ASIC2: variants seen among roughly 807,000 people sequenced by gnomAD.
ASIC2 encodes acid-sensing ion channel 2.
Under a neutral mutation model 57.3 loss-of-function variants are expected in ASIC2, and 25 were observed. The observed-to-expected ratio is 0.44, with a 90% CI of 0.32 to 0.61. The LOEUF is 0.61. Ranked by LOEUF, ASIC2 falls within the 20% of genes least tolerant of loss-of-function variation. The pLI is 0.06. For synonymous variants in ASIC2, 319 were observed against 307.5 expected (o/e 1.04, Z -0.39); for missense variants, 641 against 738.1 (o/e 0.87, Z 1.52).
chr17:33,497,205 G>C (rs1263737487), intron 1 of ASIC2, among the ~76,000 whole-genome samples: 1 of 152,258 alleles, frequency 6.6e-6, no homozygotes, highest in Non-Finnish European at 1.5e-5. Context: ...TGAATGGACA[G>C]CTTCCCTAGC....
intron 1 of ASIC2, among the ~76,000 whole-genome samples, chr17:33,737,750 G>A (rs891335991): frequency 1.3e-5 from 2 of 151,450 alleles, no homozygotes; most frequent in African/African-American, 4.8e-5. Flanking sequence ...GCGTCCACCT[G>A]CATATAATAT....
intron 1 of ASIC2, among the ~76,000 whole-genome samples, chr17:33,135,253 T>G (rs1006986829): frequency 6.6e-6 from 1 of 152,062 alleles, no homozygotes; most frequent in Non-Finnish European, 1.5e-5. Flanking sequence ...CCTCCATGCC[T>G]TTGCCACTGC....
chr17:33,897,512 A>G (rs1431819105), intron 1 of ASIC2, among the ~76,000 whole-genome samples: 4 of 152,240 alleles, frequency 2.6e-5, no homozygotes. Context: ...ATATATCTTT[A>G]TCCAGATTTC....
chr17:34,040,200 C>T (rs931263756), intron 1 of ASIC2, among the ~76,000 whole-genome samples: 13 of 127,474 alleles, frequency 1.0e-4, no homozygotes, highest in African/African-American at 4.0e-4. Flanking sequence ...GGGCCCAGGC[C>T]AGGTCAGGAG....
chr17:33,959,652 G>T (rs931998198), intron 1 of ASIC2, among the ~76,000 whole-genome samples: 1 of 152,168 alleles, frequency 6.6e-6, no homozygotes, highest in Non-Finnish European at 1.5e-5. Flanking sequence ...AAAGATAAAG[G>T]CTGGAAGACT....
chr17:33,619,158 G>A (rs766455237), intron 1 of ASIC2, among the ~76,000 whole-genome samples: 3 of 152,096 alleles, frequency 2.0e-5, no homozygotes, highest in Admixed American at 6.5e-5. Context: ...ATCAAAGTAC[G>A]GATGAGTCAA....
At chr17:33,341,028 C>T (rs1337798773) in intron 1 of ASIC2, among the ~76,000 whole-genome samples, 1 of 152,152 alleles carries the variant, frequency 6.6e-6, no homozygotes, top group Non-Finnish European at 1.5e-5. Context: ...CTGCAGTTGA[C>T]AAGGAAGAGC....
Position 33,230,450 on chromosome 17 carries a change from G to A in ASIC2, c.708+60958C>T, listed in dbSNP as rs142483718. Among the ~76,000 whole-genome samples the A allele has an allele frequency of 5.2e-3, 787 of 152,324 alleles. 4 individuals carry two copies. The highest frequency in any genetic ancestry group is 7.9e-3 in the Non-Finnish European group (537 of 68,038). Reference sequence around the variant, plus strand: ...AAGGGCAACACCTGCCACCACTTTTGTCTTGGTCACTGCTCACTCTGGCTG... The same window carrying A: ...AAGGGCAACACCTGCCACCACTTTTATCTTGGTCACTGCTCACTCTGGCTG... On this transcript the variant is annotated intron_variant, in intron 1 of 9. Transcript: ENST00000225823.
chr17:33,161,871 T>G (rs1309088131), intron 1 of ASIC2, among the ~76,000 whole-genome samples: 16 of 78,800 alleles, frequency 2.0e-4, no homozygotes, highest in Non-Finnish European at 8.2e-5. Context: ...TTTTTTTTTT[T>G]TTTTTTTTTT....
In ASIC2 at chr17:33,305,917, C is replaced by T. The variant is rs140721864; in HGVS notation, c.556-193850G>A. Among the ~76,000 whole-genome samples the T allele has an allele frequency of 3.8e-3, 586 of 152,260 alleles. 3 individuals carry two copies. Among genetic ancestry groups the T allele is most frequent in the African/African-American group, 0.013 (543 of 41,550 alleles). On this transcript the variant is annotated intron_variant, in intron 1 of 9. Coordinates refer to the ASIC2 transcript ENST00000359872. ...CAGCAATCACCATAGATAAAAGCTT[C>T]CCTATAGCCATTTTTTCTAATGAGC...
chr17:33,092,320 GT>G (rs2092160879), intron 2 of ASIC2, among the ~76,000 whole-genome samples: 1 of 152,268 alleles, frequency 6.6e-6, no homozygotes, highest in South Asian at 2.1e-4. Flanking sequence ...GCTCCCTGCA[GT>G]CCCTGCCCTC....
At chr17:33,441,666 C>G (rs780863828) in intron 1 of ASIC2, among the ~76,000 whole-genome samples, 1 of 152,180 alleles carries the variant, frequency 6.6e-6, no homozygotes, top group Admixed American at 6.5e-5. Flanking sequence ...GGTGCCCTCT[C>G]TCTACCTGGA....
chr17:33,690,305 C>T (rs889208106), intron 1 of ASIC2, among the ~76,000 whole-genome samples: 11 of 152,196 alleles, frequency 7.2e-5, no homozygotes, highest in African/African-American at 2.4e-4. Context: ...GCTGGGTCAT[C>T]TTTGCTCCCT....
chr17:34,049,046 C>T (rs987551257), intron 1 of ASIC2, among the ~76,000 whole-genome samples: 1 of 152,024 alleles, frequency 6.6e-6, no homozygotes, highest in Admixed American at 6.6e-5. Context: ...ATCTGTAATC[C>T]CAGTACTTTG....
intron 1 of ASIC2, among the ~76,000 whole-genome samples, chr17:33,995,520 T>C (rs1906129976): frequency 6.6e-6 from 1 of 152,204 alleles, no homozygotes; most frequent in African/African-American, 2.4e-5. Flanking sequence ...TCTTATTTTA[T>C]TCTATTCCAG....
At chr17:33,094,476 T>C (rs2092170204) in intron 2 of ASIC2, among the ~76,000 whole-genome samples, 1 of 152,142 alleles carries the variant, frequency 6.6e-6, no homozygotes, top group South Asian at 2.1e-4. Context: ...GCCCATGCCT[T>C]TGTTAACAGT....
chr17:34,091,039 C>A (rs535806431), intron 1 of ASIC2, among the ~76,000 whole-genome samples: 1 of 152,336 alleles, frequency 6.6e-6, no homozygotes, highest in South Asian at 2.1e-4. Context: ...CAGTTCTTCC[C>A]ACCAAGGGTA....
At chr17:33,032,622 T>C (rs1327066948) in intron 3 of ASIC2, among the ~76,000 whole-genome samples, 2 of 152,070 alleles carry the variant, frequency 1.3e-5, no homozygotes, top group Non-Finnish European at 2.9e-5. Flanking sequence ...CTAATTTTTG[T>C]ATTTTTAGTA....
At chr17:33,573,967 T>C (rs902589389) in intron 1 of ASIC2, among the ~76,000 whole-genome samples, 6 of 152,232 alleles carry the variant, frequency 3.9e-5, no homozygotes, top group Non-Finnish European at 8.8e-5. Flanking sequence ...GCCACGTTGA[T>C]ACAGGCTGCT....
Sources: allele counts gnomAD v4.1 joint callset (sites outside exome capture counted in the v4.1 genomes callset), GRCh38; gene constraint gnomAD v4.1.1; transcripts MANE v1.5; gene names NCBI Gene and HGNC (gene_info 2026-07-23, HGNC 2026-07-21).